PLEKHA1: variants seen among roughly 807,000 people sequenced by gnomAD.
PLEKHA1 encodes the protein pleckstrin homology domain containing A1.
A neutral mutation model predicts 52.0 loss-of-function variants in PLEKHA1; 34 were observed. That is an observed-to-expected ratio of 0.65 (90% confidence interval 0.50 to 0.87). The LOEUF is 0.87. Ranked by LOEUF, PLEKHA1 falls within the 40% of genes least tolerant of loss-of-function variation. The pLI is 0.00. For synonymous variants in PLEKHA1, 163 were observed against 170.7 expected (o/e 0.95, Z 0.35); for missense variants, 497 against 504.2 (o/e 0.99, Z 0.14).
the PLEKHA1 span, chr10:122,441,575 G>A: frequency 6.6e-6 from 1 of 152,126 alleles, no homozygotes; most frequent in African/African-American, 2.4e-5. Flanking sequence ...TTGTTACATA[G>A]TATCCTTAGA....
chr10:122,394,058 A>G (rs558779756), intron 2 of PLEKHA1, among the ~76,000 whole-genome samples: 1 of 146,544 alleles, frequency 6.8e-6, no homozygotes, highest in African/African-American at 2.5e-5. Flanking sequence ...TTAAACTTTC[A>G]ACTTTCTCTA....
intron 11 of PLEKHA1, among the ~76,000 whole-genome samples, chr10:122,428,678 A>G (rs1480764716): frequency 6.6e-6 from 1 of 152,206 alleles, no homozygotes; most frequent in Non-Finnish European, 1.5e-5. Context: ...TTCTAATAAT[A>G]TATGCAAACT....
intron 1 of PLEKHA1, among the ~76,000 whole-genome samples, chr10:122,381,794 G>A (rs796998012): frequency 6.6e-6 from 1 of 152,212 alleles, no homozygotes; most frequent in Non-Finnish European, 1.5e-5. Context: ...GCTAGGGAAG[G>A]CTGGATCAGG....
At chr10:122,409,140 G>A (rs1002932825) in intron 5 of PLEKHA1, among the ~76,000 whole-genome samples, 2 of 152,144 alleles carry the variant, frequency 1.3e-5, no homozygotes, top group African/African-American at 4.8e-5. Flanking sequence ...CTAGGTGGGT[G>A]CCACTTGAAA....
intron 4 of PLEKHA1, among the ~76,000 whole-genome samples, chr10:122,402,673 A>G (rs1292052861): frequency 6.6e-6 from 1 of 152,196 alleles, no homozygotes. Context: ...GCATATCTGT[A>G]TCAGAAACAA....
chr10:122,412,336 T>C (rs2097117327), intron 5 of PLEKHA1: 1 of 152,240 alleles, frequency 6.6e-6, no homozygotes, highest in African/African-American at 2.4e-5. Context: ...CTGCTGACTT[T>C]GGATTCATCC....
rs751657827 is a variant in PLEKHA1 at position 122,415,923 on chromosome 10, A to G, written c.533A>G (p.His178Arg). ...AATAATCTGAAACGGTCACAAAGCC[A>G]TCTTCCTTACTTTACTCCTAAACCA... is the stretch of plus-strand genomic sequence containing the variant. ...DRNNLKRSQS[H>R]LPYFTPKPPQ... is the part of the protein sequence containing the mutation. Residue 178 changes from histidine to arginine, a missense_variant, in exon 7 of 12, where the codon CAT (histidine) becomes CGT (arginine). His to Arg is a conservative substitution (Grantham distance 29). Transcript: ENST00000368990. 2 of 1,613,638 alleles carry G rather than the reference A, an allele frequency of 1.2e-6. No homozygotes were observed.
At chr10:122,400,050 G>A (rs2096906469) in intron 3 of PLEKHA1, among the ~76,000 whole-genome samples, 1 of 152,196 alleles carries the variant, frequency 6.6e-6, no homozygotes, top group African/African-American at 2.4e-5. Context: ...ATACTTGTGT[G>A]TATGACATAA....
intron 1 of PLEKHA1, chr10:122,386,782 G>A (rs7089398): frequency 0.11 from 17,467 of 152,132 alleles, 1,348 homozygotes; most frequent in Non-Finnish European, 0.17. Flanking sequence ...TTAAAAGACC[G>A]GTGTTATTTT....
At chr10:122,416,351 C>T (rs916891087) in intron 7 of PLEKHA1, among the ~76,000 whole-genome samples, 2 of 152,044 alleles carry the variant, frequency 1.3e-5, no homozygotes, top group African/African-American at 2.4e-5. Flanking sequence ...GGCAGGCCAG[C>T]GGCAGGAGAA....
intron 7 of PLEKHA1, among the ~76,000 whole-genome samples, chr10:122,416,216 C>T (rs191226437): frequency 6.6e-6 from 1 of 152,156 alleles, no homozygotes; most frequent in Admixed American, 6.5e-5. Flanking sequence ...AAAGTTAATG[C>T]CCATTACCAC....
At position 122,388,263 on chromosome 10, in the gene PLEKHA1, T is replaced by A. The variant is rs1203670801; in HGVS notation, c.-20-4918T>A. Among the ~76,000 whole-genome samples the A allele has an allele frequency of 4.6e-5, 7 of 152,378 alleles. No individual in the cohort carries two copies. In the East Asian group the frequency reaches 1.3e-3, roughly 29 times the overall value. The stretch of plus-strand genomic sequence containing the variant: ...CATATAAATAGAATCATACAACATG[T>A]ACCTTTTTGTTGGTGGCTTTTTTCA... On this transcript the variant is annotated intron_variant, in intron 1 of 11. Transcript: ENST00000368990.
At chr10:122,420,016 G>A (rs1422396653) in intron 8 of PLEKHA1, 1 of 152,218 alleles carries the variant, frequency 6.6e-6, no homozygotes, top group African/African-American at 2.4e-5. Flanking sequence ...CATATGCACA[G>A]TACCTTTGGG....
At chr10:122,386,568 C>T (rs947001877) in intron 1 of PLEKHA1, 1 of 152,104 alleles carries the variant, frequency 6.6e-6, no homozygotes, top group Admixed American at 6.6e-5. Flanking sequence ...CCCCTAAGGT[C>T]CTGAAGACTT....
At position 122,430,214 on chromosome 10, in the gene PLEKHA1, G is replaced by A; in HGVS notation, c.*276G>A. ...TCATTCGGGTGGTAACAATGTATGT[G>A]TAATATTTTTTTCTTAGTGATTTTG... On this transcript the variant is annotated 3_prime_UTR_variant, in exon 12 of 12. Coordinates refer to ENST00000368990, the MANE Select transcript of PLEKHA1 (RefSeq NM_001001974.4). 2 of 285,978 alleles carry A rather than the reference G, an allele frequency of 7.0e-6. No individual in the cohort carries two copies. The highest frequency in any genetic ancestry group is 6.4e-6 in the Non-Finnish European group (1 of 155,768). The allele number at this position is 285,978 out of a possible 1,614,324, so 17.7% of individuals were successfully genotyped here.
In PLEKHA1 at chr10:122,427,034, A is replaced by G; in HGVS notation, c.900+3A>G. On this transcript the variant is annotated splice_donor_region_variant and intron_variant, in intron 11 of 11. Coordinates refer to ENST00000368990, the MANE Select transcript of PLEKHA1 (RefSeq NM_001001974.4). ...GTCCCGGCAGATCTGCGTCTTCTGT[A>G]GGTTTCCTGCTCTCTGGGGTGATAC... The G allele has an allele frequency of 1.2e-6, 2 of 1,611,814 alleles. No individual in the cohort carries two copies. The highest frequency in any genetic ancestry group is 1.7e-6 in the Non-Finnish European group (2 of 1,177,980).
intron 7 of PLEKHA1, 51 bp from the exon 8 acceptor site, chr10:122,417,849 A>G (rs1236028287): frequency 7.0e-7 from 1 of 1,436,770 alleles, no homozygotes; most frequent in Non-Finnish European, 9.8e-7. Flanking sequence ...GGTGACTAAC[A>G]TTTGACATTC....
chr10:122,394,546 C>T (rs2096824508), intron 2 of PLEKHA1, among the ~76,000 whole-genome samples: 1 of 152,070 alleles, frequency 6.6e-6, no homozygotes, highest in Non-Finnish European at 1.5e-5. Flanking sequence ...TAGGGAAGAG[C>T]AGAGACTTAT....
chr10:122,391,221 T>C (rs2096771001), intron 1 of PLEKHA1, among the ~76,000 whole-genome samples: 1 of 152,066 alleles, frequency 6.6e-6, no homozygotes, highest in Non-Finnish European at 1.5e-5. Flanking sequence ...ATATTTTCTT[T>C]CCTTCTATAG....
Sources: allele counts gnomAD v4.1 joint callset (sites outside exome capture counted in the v4.1 genomes callset), GRCh38; gene constraint gnomAD v4.1.1; transcripts MANE v1.5; gene names NCBI Gene and HGNC (gene_info 2026-07-23, HGNC 2026-07-21).